Variants in LHFPL3 observed in about 807,000 individuals in gnomAD.
LHFPL3 encodes the protein LHFPL tetraspan subfamily member 3.
LHFPL3 carries 5 observed loss-of-function variants against 19.3 expected under a neutral mutation model. That is an observed-to-expected ratio of 0.26 (90% confidence interval 0.14 to 0.54). LHFPL3 has a LOEUF of 0.54. LHFPL3 is among the 20% of genes least tolerant of loss of function. The pLI, the probability that LHFPL3 is intolerant of heterozygous loss-of-function variation, is 0.94. For synonymous variants in LHFPL3, 133 were observed against 126.2 expected, an observed-to-expected ratio of 1.05 and a Z score of -0.36; for missense variants, 249 against 307.4, an observed-to-expected ratio of 0.81 and a Z score of 1.42.
At chr7:104,695,334 T>G (rs1792978653) in intron 1 of LHFPL3, among the ~76,000 whole-genome samples, 1 of 152,202 alleles carries the variant, frequency 6.6e-6, no homozygotes, top group South Asian at 2.1e-4. Flanking sequence ...TTGCCACAGA[T>G]GAGCCACTCC....
intron 1 of LHFPL3, among the ~76,000 whole-genome samples, chr7:104,576,227 G>A: frequency 6.6e-6 from 1 of 152,130 alleles, no homozygotes; most frequent in Admixed American, 6.5e-5. Flanking sequence ...GGAGACCATA[G>A]GGTCATGAAA....
chr7:104,563,388 A>G (rs1314667742), intron 1 of LHFPL3, among the ~76,000 whole-genome samples: 3 of 152,158 alleles, frequency 2.0e-5, no homozygotes, highest in African/African-American at 7.3e-5. Flanking sequence ...CTCGTGGTGC[A>G]CCGTTTTTTA....
chr7:104,606,598 T>C (rs1791107720), intron 1 of LHFPL3, among the ~76,000 whole-genome samples: 1 of 152,208 alleles, frequency 6.6e-6, no homozygotes, highest in African/African-American at 2.4e-5. Flanking sequence ...GAGAAGGGAC[T>C]TTGAAAACCA....
intron 1 of LHFPL3, among the ~76,000 whole-genome samples, chr7:104,408,306 A>G (rs967920): frequency 0.031 from 4,694 of 151,922 alleles, 213 homozygotes; most frequent in East Asian, 0.16. Context: ...TTGTTATTCA[A>G]TTTTAACCAA....
rs34831677 is a variant in LHFPL3 at position 104,336,503 on chromosome 7, TAA to T, written c.445+7291_445+7292del. Among the ~76,000 whole-genome samples, 340 of 146,722 alleles carry T rather than the reference TAA, an allele frequency of 2.3e-3. 4 individuals are homozygous for T. The highest frequency in any genetic ancestry group is 7.0e-3 in the African/African-American group (281 of 40,104). On this transcript the variant is annotated intron_variant, in intron 1 of 2. Transcript: ENST00000424859. ...GAGTGCATTTCTCACCTTTTTTGCT[TAA>T]AAAAAAAAAAAGAAAAATAAGGGGC... is the stretch of plus-strand genomic sequence containing the variant.
chr7:104,748,872 G>GC (rs1467535582), intron 2 of LHFPL3, among the ~76,000 whole-genome samples: 1 of 152,160 alleles, frequency 6.6e-6, no homozygotes, highest in African/African-American at 2.4e-5. Context: ...GGTGTGGAGG[G>GC]GCAACCCACC....
intron 1 of LHFPL3, among the ~76,000 whole-genome samples, chr7:104,582,285 G>C (rs1790475361): frequency 6.6e-6 from 1 of 151,758 alleles, no homozygotes; most frequent in Admixed American, 6.6e-5. Context: ...CTAATATATA[G>C]AAGTGCTGTT....
chr7:104,479,708 C>T (rs1296262164), intron 1 of LHFPL3, among the ~76,000 whole-genome samples: 1 of 152,166 alleles, frequency 6.6e-6, no homozygotes, highest in African/African-American at 2.4e-5. Context: ...TCCACTTCTG[C>T]AACTGTTAAA....
intron 1 of LHFPL3, among the ~76,000 whole-genome samples, chr7:104,391,195 C>A (rs1025930385): frequency 6.6e-6 from 1 of 152,138 alleles, no homozygotes; most frequent in Non-Finnish European, 1.5e-5. Context: ...TTAATTAGAT[C>A]CCATTTGTCA....
At chr7:104,495,817 C>T (rs1479031507) in intron 1 of LHFPL3, among the ~76,000 whole-genome samples, 1 of 152,172 alleles carries the variant, frequency 6.6e-6, no homozygotes, top group Non-Finnish European at 1.5e-5. Flanking sequence ...GCCACCACAC[C>T]TTGCCAACAT....
intron 1 of LHFPL3, among the ~76,000 whole-genome samples, chr7:104,694,387 A>G (rs1792961176): frequency 1.3e-5 from 2 of 152,234 alleles, no homozygotes; most frequent in Non-Finnish European, 1.5e-5. Flanking sequence ...TGTGATGAGG[A>G]AGCTTTAAAA....
chr7:104,356,073 G>A lies in LHFPL3; in HGVS notation c.445+26849G>A, dbSNP rs1790268201. The stretch of plus-strand genomic sequence containing the variant: ...TGGAAGATTGTAGGACAAACCATCA[G>A]TGAAATGATTGTATTAGGATATAGC... On this transcript the variant is annotated intron_variant, in intron 1 of 2. Coordinates refer to ENST00000424859, the MANE Select transcript of LHFPL3 (RefSeq NM_199000.3). 4.6e-5 allele frequency among the ~76,000 whole-genome samples: 7 copies of A among 152,200 alleles called. No homozygotes were observed. In the South Asian group the frequency reaches 1.0e-3, roughly 23 times the overall value.
intron 1 of LHFPL3, chr7:104,668,647 G>A (rs1792407996): frequency 6.2e-7 from 1 of 1,612,264 alleles, no homozygotes; most frequent in Non-Finnish European, 8.5e-7. Context: ...CAATATGACA[G>A]ACGGGATGAT....
rs1391857907 is a variant in LHFPL3 at position 104,603,064 on chromosome 7, CTTTTTCTT to C, written c.446-133609_446-133602del. 8.6e-5 allele frequency among the ~76,000 whole-genome samples: 11 copies of C among 127,242 alleles called. No homozygotes were observed. The East Asian group carries it at 1.8e-3, about 21-fold the overall frequency. The allele number at this position is 127,242 out of a possible 152,430, so 83.5% of individuals were successfully genotyped here. The stretch of plus-strand genomic sequence containing the variant: ...TAAGTTTTCTTTTTTTTCTTTCTTT[CTTTTTCTT>C]TCTTTCTTTCTTTCTTTCTTTCTTT... On this transcript the variant is annotated intron_variant, in intron 1 of 2. Transcript: ENST00000424859.
intron 1 of LHFPL3, among the ~76,000 whole-genome samples, chr7:104,439,559 C>A (rs150579912): frequency 6.6e-6 from 1 of 152,042 alleles, no homozygotes; most frequent in East Asian, 1.9e-4. Context: ...TATCTCATTA[C>A]ATGCCATAAG....
chr7:104,589,218 TG>T, intron 1 of LHFPL3, among the ~76,000 whole-genome samples: 1 of 152,314 alleles, frequency 6.6e-6, no homozygotes, highest in East Asian at 1.9e-4. Flanking sequence ...TTCCAGTTTT[TG>T]CCCATTCAGT....
At chr7:104,502,485 G>A (rs1008088465) in intron 1 of LHFPL3, among the ~76,000 whole-genome samples, 4 of 152,144 alleles carry the variant, frequency 2.6e-5, no homozygotes, top group Non-Finnish European at 4.4e-5. Flanking sequence ...TATAGAAATG[G>A]CATCTACATG....
intron 1 of LHFPL3, among the ~76,000 whole-genome samples, chr7:104,442,789 C>A (rs778500661): frequency 2.6e-5 from 4 of 152,140 alleles, no homozygotes; most frequent in Non-Finnish European, 5.9e-5. Flanking sequence ...TTTTGGGTGG[C>A]GACTTTTCAA....
intron 1 of LHFPL3, among the ~76,000 whole-genome samples, chr7:104,707,065 T>G (rs1314270854): frequency 6.6e-6 from 1 of 152,214 alleles, no homozygotes; most frequent in Non-Finnish European, 1.5e-5. Context: ...TTCAACATCC[T>G]GGGAGTGCCA....
Sources: allele counts gnomAD v4.1 joint callset (sites outside exome capture counted in the v4.1 genomes callset), GRCh38; gene constraint gnomAD v4.1.1; transcripts MANE v1.5; gene names NCBI Gene and HGNC (gene_info 2026-07-23, HGNC 2026-07-21).